The following TMTC2 variants were observed in gnomAD, a reference collection of about 807,000 sequenced individuals.
The protein encoded by TMTC2 is protein O-mannosyl-transferase TMTC2.
A neutral mutation model predicts 82.4 loss-of-function variants in TMTC2; 43 were observed. The ratio of observed to expected loss-of-function variants is 0.52; its 90% CI spans 0.41 to 0.67. The LOEUF (loss-of-function observed/expected upper bound fraction) is 0.67, where lower values mean the gene tolerates loss of function less well. TMTC2 is among the 30% of genes least tolerant of loss of function. The pLI, the probability that TMTC2 is intolerant of heterozygous loss-of-function variation, is 0.00. For synonymous variants in TMTC2, 408 were observed against 381.9 expected, an observed-to-expected ratio of 1.07 and a Z score of -0.80; for missense variants, 919 against 1,012.4, an observed-to-expected ratio of 0.91 and a Z score of 1.25.
intron 8 of TMTC2, among the ~76,000 whole-genome samples, chr12:83,004,675 T>C (rs1337010443): frequency 6.8e-6 from 1 of 147,160 alleles, no homozygotes; most frequent in Non-Finnish European, 1.5e-5. Context: ...TCTTTATTTG[T>C]GGAAAGATTC....
At chr12:83,022,962 G>A (rs1881002284) in intron 8 of TMTC2, among the ~76,000 whole-genome samples, 1 of 152,126 alleles carries the variant, frequency 6.6e-6, no homozygotes, top group East Asian at 1.9e-4. Flanking sequence ...CATGCTAGCG[G>A]ACATTGAGTT....
intron 7 of TMTC2, among the ~76,000 whole-genome samples, chr12:82,980,753 G>A (rs919028004): frequency 1.3e-5 from 2 of 151,742 alleles, no homozygotes; most frequent in African/African-American, 4.8e-5. Context: ...TTTGTTGTCC[G>A]CATGTCAGTC....
At chr12:82,949,495 A>G (rs1877231806) in intron 4 of TMTC2, among the ~76,000 whole-genome samples, 2 of 152,200 alleles carry the variant, frequency 1.3e-5, no homozygotes, top group African/African-American at 2.4e-5. Flanking sequence ...TTTTTAAATT[A>G]AATTATCTGG....
intron 2 of TMTC2, among the ~76,000 whole-genome samples, chr12:82,878,106 A>C (rs924845409): frequency 6.6e-6 from 1 of 152,144 alleles, no homozygotes; most frequent in African/African-American, 2.4e-5. Context: ...TCATTCAGTC[A>C]TTTGCTCAAT....
chr12:82,794,600 G>A (rs1026745482), intron 1 of TMTC2, among the ~76,000 whole-genome samples: 1 of 151,968 alleles, frequency 6.6e-6, no homozygotes, highest in Non-Finnish European at 1.5e-5. Context: ...TCTTATAAAG[G>A]CTTCTATTAT....
At chr12:82,730,617 T>C (rs932608611) in intron 1 of TMTC2, among the ~76,000 whole-genome samples, 1 of 152,232 alleles carries the variant, frequency 6.6e-6, no homozygotes, top group Non-Finnish European at 1.5e-5. Context: ...TGTACAGTTG[T>C]GTATCACATA....
chr12:83,017,484 G>A (rs12827622), intron 8 of TMTC2, among the ~76,000 whole-genome samples: 1,738 of 152,250 alleles, frequency 0.011, 15 homozygotes, highest in Middle Eastern at 0.02. Flanking sequence ...GATGTGCACC[G>A]TTACCTTGAA....
At chr12:82,703,315 A>G (rs1426328145) in intron 1 of TMTC2, among the ~76,000 whole-genome samples, 1 of 152,152 alleles carries the variant, frequency 6.6e-6, no homozygotes, top group Non-Finnish European at 1.5e-5. Flanking sequence ...TGACCTCCCT[A>G]TAAATTAACT....
intron 11 of TMTC2, among the ~76,000 whole-genome samples, chr12:83,082,026 A>G (rs1453939641): frequency 1.3e-5 from 2 of 152,220 alleles, no homozygotes; most frequent in East Asian, 1.9e-4. Context: ...TTATTAGAGT[A>G]TTATAACAAA....
At chr12:83,078,074 A>C (rs1237008328) in intron 11 of TMTC2, among the ~76,000 whole-genome samples, 5 of 151,970 alleles carry the variant, frequency 3.3e-5, no homozygotes, top group Admixed American at 6.6e-5. Flanking sequence ...CAGGGCTCTC[A>C]CTGAAGGTAG....
chr12:82,888,622 G>A (rs976472469), intron 2 of TMTC2, among the ~76,000 whole-genome samples: 3 of 152,182 alleles, frequency 2.0e-5, no homozygotes, highest in African/African-American at 2.4e-5. Flanking sequence ...GATATTGGGA[G>A]CTAGGAGTTA....
chr12:82,759,777 T>G (rs2136977778), intron 1 of TMTC2: 1 of 152,340 alleles, frequency 6.6e-6, no homozygotes, highest in Non-Finnish European at 1.5e-5. Flanking sequence ...TGTAAAACGA[T>G]AAATAAATTG....
chr12:82,904,729 G>A (rs564808511), intron 3 of TMTC2, among the ~76,000 whole-genome samples: 2 of 152,078 alleles, frequency 1.3e-5, no homozygotes, highest in African/African-American at 2.4e-5. Flanking sequence ...ATATTGATTC[G>A]TATTTGCTTA....
intron 8 of TMTC2, among the ~76,000 whole-genome samples, chr12:83,009,364 C>T (rs1281165010): frequency 6.6e-6 from 1 of 152,098 alleles, no homozygotes; most frequent in Non-Finnish European, 1.5e-5. Context: ...TTCTCTTTCT[C>T]CTGATAGTCT....
chr12:82,840,890 C>T (rs186699921), intron 1 of TMTC2, among the ~76,000 whole-genome samples: 1 of 152,274 alleles, frequency 6.6e-6, no homozygotes, highest in African/African-American at 2.4e-5. Context: ...AGCAATTCTC[C>T]TGCCTTATCC....
intron 9 of TMTC2, among the ~76,000 whole-genome samples, chr12:83,045,456 A>G (rs1020483518): frequency 1.3e-5 from 2 of 152,158 alleles, no homozygotes; most frequent in African/African-American, 4.8e-5. Context: ...TTATCAAATC[A>G]TAGAATGTGT....
chr12:82,977,761 G>C, intron 7 of TMTC2, among the ~76,000 whole-genome samples: 1 of 151,750 alleles, frequency 6.6e-6, no homozygotes, highest in Non-Finnish European at 1.5e-5. Flanking sequence ...TATAATAAGA[G>C]TTGTGTTTTA....
chr12:82,984,587 T>C (rs1320675023), intron 7 of TMTC2, among the ~76,000 whole-genome samples: 1 of 152,154 alleles, frequency 6.6e-6, no homozygotes, highest in Non-Finnish European at 1.5e-5. Flanking sequence ...GCTGTCATGA[T>C]TATGATTACT....
At chr12:82,745,645 A>G (rs1056081447) in intron 1 of TMTC2, among the ~76,000 whole-genome samples, 2 of 152,176 alleles carry the variant, frequency 1.3e-5, no homozygotes, top group African/African-American at 4.8e-5. Context: ...GGACAAATAG[A>G]TAATAGTGGA....
Sources: gnomAD v4.1 joint callset for allele counts (sites outside exome capture counted in the v4.1 genomes callset) on GRCh38, gnomAD v4.1.1 for gene constraint, MANE v1.5 for transcripts, NCBI Gene and HGNC (gene_info 2026-07-23, HGNC 2026-07-21) for gene names.